Variants in WT1 observed in about 807,000 individuals in gnomAD.
WT1 encodes Wilms tumor protein.
In WT1, 8 loss-of-function variants were observed where a neutral mutation model predicts 60.8. The observed-to-expected ratio is 0.13, with a 90% confidence interval of 0.08 to 0.24. The LOEUF is 0.24. WT1 is among the 10% of genes least tolerant of loss of function. The probability of loss-of-function intolerance (pLI) is 1.00; values close to 1 mark genes in which losing one functional copy is unlikely to be tolerated. For missense variants in WT1, 568 were observed against 711.8 expected, an observed-to-expected ratio of 0.80 and a Z score of 2.30; for synonymous variants, 312 against 297.1, an observed-to-expected ratio of 1.05 and a Z score of -0.52.
Position 32,388,721 on chromosome 11 carries a change from A to C in WT1, c.*337T>G, listed in dbSNP as rs1851731316. 1 of 401,352 alleles carries C rather than the reference A, an allele frequency of 2.5e-6. No homozygotes were observed. The highest frequency in any genetic ancestry group is 3.7e-5 in the South Asian group (1 of 27,122). The allele number at this position is 401,352 out of a possible 1,614,324, so 24.9% of individuals were successfully genotyped here. ...AATAATTCCATCCCCAGCGAAAACG[A>C]GCATAAAAAAAGAAGGGAAGGGTCA... On this transcript the variant is annotated 3_prime_UTR_variant, in exon 10 of 10. Coordinates refer to ENST00000452863, the MANE Select transcript of WT1 (RefSeq NM_024426.6).
chr11:32,418,359 T>G (rs1852747268), intron 3 of WT1, among the ~76,000 whole-genome samples: 1 of 152,152 alleles, frequency 6.6e-6, no homozygotes, highest in Admixed American at 6.6e-5. Flanking sequence ...AAAAAGCTGT[T>G]CTGTCCCCTC....
chr11:32,434,525 T>C (rs534679095), intron 1 of WT1, among the ~76,000 whole-genome samples, 175 bp downstream of exon 1: 11 of 152,326 alleles, frequency 7.2e-5, no homozygotes, highest in African/African-American at 2.2e-4. Flanking sequence ...AGTGCCTGCG[T>C]GCACTCCCAC....
In WT1 at chr11:32,396,278, T is replaced by A. The variant is rs2132939433; in HGVS notation, c.1243A>T (p.Met415Leu). 6.2e-7 allele frequency: 1 copy of A among 1,614,178 alleles called. No individual in the cohort carries two copies. The highest frequency in any genetic ancestry group is 8.5e-7 in the Non-Finnish European group (1 of 1,180,036). The change falls in exon 7 of 10, where the codon ATG becomes TTG. Residue 415 changes from methionine (M) to leucine (L), a missense_variant. Met to Leu is a conservative substitution (Grantham distance 15). Transcript: ENST00000452863. ...TTACCAGTGTGCTTCCTGCTGTGCATCTGTAAGTGGGACAGCTTAAAATAT... is the reference window on the plus strand; with the variant it reads ...TTACCAGTGTGCTTCCTGCTGTGCAACTGTAAGTGGGACAGCTTAAAATAT...
At chr11:32,434,565 C>T (rs1485568397) in intron 1 of WT1, 135 bp downstream of exon 1, 56 of 1,507,170 alleles carry the variant, frequency 3.7e-5, no homozygotes, top group Non-Finnish European at 1.8e-6. Context: ...CCGCCGCTTC[C>T]GCTATCCTCA....
Position 32,387,791 on chromosome 11 carries a change from C to T in WT1, c.*1267G>A, listed in dbSNP as rs1264350882. The stretch of plus-strand genomic sequence containing the variant: ...TCTTGCCACTTTCCTTTTGAATAGA[C>T]TTTAATTGAGAGCAAAGTGAAAAAT... On this transcript the variant is annotated 3_prime_UTR_variant, in exon 10 of 10. Coordinates refer to ENST00000452863, the MANE Select transcript of WT1 (RefSeq NM_024426.6). 4.3e-6 allele frequency: 1 copy of T among 232,996 alleles called. No homozygotes were observed. The highest frequency in any genetic ancestry group is 5.6e-5 in the Admixed American group (1 of 17,778). The allele number at this position is 232,996 out of a possible 1,614,324, so 14.4% of individuals were successfully genotyped here. A position where few individuals can be genotyped will look rare whatever the true frequency, so the allele number is the denominator to read the frequency against.
chr11:32,393,427 G>T (rs1452798923), intron 7 of WT1, among the ~76,000 whole-genome samples: 1 of 152,208 alleles, frequency 6.6e-6, no homozygotes, highest in African/African-American at 2.4e-5. Context: ...ACTAGAGAAA[G>T]TTCAGCCAAA....
At chr11:32,390,869 G>T (rs572962749) in intron 9 of WT1, among the ~76,000 whole-genome samples, 1 of 152,186 alleles carries the variant, frequency 6.6e-6, no homozygotes, top group Non-Finnish European at 1.5e-5. Flanking sequence ...AACTGGATTT[G>T]CTCCTTACTA....
At chr11:32,411,403 A>G (rs1381865227) in intron 5 of WT1, among the ~76,000 whole-genome samples, 2 of 152,270 alleles carry the variant, frequency 1.3e-5, no homozygotes, top group African/African-American at 4.8e-5. Context: ...GTGATGGCCT[A>G]TAAATATGCA....
chr11:32,407,023 C>T (rs913582378), intron 5 of WT1, among the ~76,000 whole-genome samples: 1 of 152,000 alleles, frequency 6.6e-6, no homozygotes, highest in African/African-American at 2.4e-5. Context: ...CGCTTGAATC[C>T]GGGAGGCAGA....
chr11:32,400,094 T>C lies in WT1; in HGVS notation c.1017-50A>G, dbSNP rs1234053169. ...GGCTCAGTGTGGCTCACAGTCGCCATTTGGAAATGCTTATCTGCAATCAGG... is the reference window on the plus strand; with the variant it reads ...GGCTCAGTGTGGCTCACAGTCGCCACTTGGAAATGCTTATCTGCAATCAGG... On this transcript the variant is annotated intron_variant, in intron 5 of 9. Coordinates refer to ENST00000452863, the MANE Select transcript of WT1 (RefSeq NM_024426.6). The C allele has an allele frequency of 5.6e-6, 9 of 1,597,674 alleles. No individual in the cohort carries two copies. In the South Asian group the frequency reaches 7.8e-5, roughly 14 times the overall value.
rs5030324 is a variant in WT1, at chr11:32,388,161, C to G, written c.*897G>C. 3.4e-3 allele frequency: 786 copies of G among 233,778 alleles called. 3 individuals are homozygous for G. Among genetic ancestry groups the G allele is most frequent in the African/African-American group, 0.016 (740 of 45,382 alleles). The allele number at this position is 233,778 out of a possible 1,614,324, so 14.5% of individuals were successfully genotyped here. A position where few individuals can be genotyped will look rare whatever the true frequency, so the allele number is the denominator to read the frequency against. On this transcript the variant is annotated 3_prime_UTR_variant, in exon 10 of 10. Coordinates refer to ENST00000452863, the MANE Select transcript of WT1 (RefSeq NM_024426.6). ...TATCAGTGGAGATCCTGGACCATCC[C>G]CTATTTTCTTTTAAAGTCACTTTCA...
At chr11:32,420,022 T>C (rs559028045) in intron 3 of WT1, among the ~76,000 whole-genome samples, 2 of 152,306 alleles carry the variant, frequency 1.3e-5, no homozygotes, top group South Asian at 4.1e-4. Flanking sequence ...TTCTTGGCCC[T>C]CAGAAGGCAA....
chr11:32,420,425 G>A (rs999176205), intron 3 of WT1, among the ~76,000 whole-genome samples: 2 of 152,132 alleles, frequency 1.3e-5, no homozygotes, highest in Admixed American at 6.5e-5. Context: ...GCCCTCAATG[G>A]CCCTTTGAAG....
chr11:32,419,788 T>A (rs527414789), intron 3 of WT1, among the ~76,000 whole-genome samples: 5 of 152,304 alleles, frequency 3.3e-5, no homozygotes, highest in South Asian at 4.1e-4. Context: ...CAGTCTCCCA[T>A]GCGCAAGCAA....
At chr11:32,433,546 C>T (rs1252357846) in intron 1 of WT1, among the ~76,000 whole-genome samples, 1 of 152,266 alleles carries the variant, frequency 6.6e-6, no homozygotes, top group Non-Finnish European at 1.5e-5. Context: ...GGTCCCTAGG[C>T]CCTCGAGTAA....
At chr11:32,401,649 C>T (rs565827203) in intron 5 of WT1, among the ~76,000 whole-genome samples, 1 of 152,192 alleles carries the variant, frequency 6.6e-6, no homozygotes, top group African/African-American at 2.4e-5. Context: ...AAATGATTCT[C>T]CTGCCTCAGC....
At chr11:32,395,396 G>A (rs1590336892) in intron 7 of WT1, among the ~76,000 whole-genome samples, 1 of 151,956 alleles carries the variant, frequency 6.6e-6, no homozygotes, top group Non-Finnish European at 1.5e-5. Context: ...CTGTTTCCCA[G>A]AAGCAGCCTC....
chr11:32,433,760 C>G (rs1484483593), intron 1 of WT1, among the ~76,000 whole-genome samples: 2 of 152,234 alleles, frequency 1.3e-5, no homozygotes, highest in Admixed American at 1.3e-4. Context: ...GGATGAGAAA[C>G]CAACCTGATA....
In WT1 at chr11:32,396,304, C is replaced by A; in HGVS notation, c.1217G>T (p.Arg406Ile). 2 of 1,614,188 alleles carry A rather than the reference C, an allele frequency of 1.2e-6. No homozygotes were observed. ...CTGTAAGTGGGACAGCTTAAAATAT[C>A]TCTTATTGCAGCCTGGGTAAGCACA... Residue 406 changes from arginine to isoleucine, a missense_variant, in exon 7 of 10, where the codon AGA becomes ATA. Physicochemically the swap from Arg to Ile is moderately conservative, Grantham distance 97. This residue lies in a region of WT1 where 523 missense variants were observed against 565.1 expected (regional missense o/e 0.93). Transcript: ENST00000452863.
Sources: allele counts gnomAD v4.1 joint callset (sites outside exome capture counted in the v4.1 genomes callset), GRCh38; gene constraint gnomAD v4.1.1; regional missense constraint gnomAD v4.1.1; transcripts MANE v1.5; gene names NCBI Gene and HGNC (gene_info 2026-07-23, HGNC 2026-07-21).